Variants in DNAH9 observed in about 807,000 individuals in gnomAD.
The protein encoded by DNAH9 is dynein axonemal heavy chain 9.
Under a neutral mutation model 471.6 loss-of-function variants are expected in DNAH9, and 345 were observed. That is an observed-to-expected ratio of 0.73 (90% CI 0.67 to 0.80). The LOEUF (loss-of-function observed/expected upper bound fraction) is 0.80. Ranked by LOEUF, DNAH9 falls within the 30% of genes least tolerant of loss-of-function variation. The probability of loss-of-function intolerance (pLI) is 0.00; values close to 1 mark genes in which losing one functional copy is unlikely to be tolerated. For synonymous variants in DNAH9, 2,093 were observed against 2,123.6 expected (o/e 0.99, Z 0.40); for missense variants, 5,407 against 5,609.2 (o/e 0.96, Z 1.15).
intron 51 of DNAH9, among the ~76,000 whole-genome samples, chr17:11,871,358 C>T (rs1209202025): frequency 6.6e-6 from 1 of 152,224 alleles, no homozygotes; most frequent in Admixed American, 6.5e-5. Context: ...ACAGAAAGAG[C>T]AGAGTCAAAC....
intron 49 of DNAH9, among the ~76,000 whole-genome samples, chr17:11,838,292 C>T (rs1970913215): frequency 6.6e-6 from 1 of 152,090 alleles, no homozygotes; most frequent in East Asian, 1.9e-4. Context: ...GTGGTGACTT[C>T]CAGAGAGACA....
At chr17:11,950,674 C>CT (rs147390463) in intron 67 of DNAH9, among the ~76,000 whole-genome samples, 5,774 of 152,200 alleles carry the variant, frequency 0.038, 370 homozygotes, top group African/African-American at 0.13. Context: ...CTATTTTAAA[C>CT]TTTTTTCAAG....
intron 12 of DNAH9, 52 bp from the exon 13 acceptor site, chr17:11,651,017 G>C: frequency 6.3e-7 from 1 of 1,581,734 alleles, no homozygotes; most frequent in Non-Finnish European, 8.6e-7. Context: ...CAATGCTGCA[G>C]ATTATTCATT....
chr17:11,772,705 C>T (rs1366827255), intron 38 of DNAH9, among the ~76,000 whole-genome samples: 2 of 152,218 alleles, frequency 1.3e-5, no homozygotes, highest in African/African-American at 4.8e-5. Flanking sequence ...TGTTAATTCC[C>T]TAATGGCCTC....
At position 11,874,943 on chromosome 17, in the gene DNAH9, C is replaced by T. The variant is rs375903506; in HGVS notation, c.10243-6C>T. The T allele has an allele frequency of 5.2e-5, 84 of 1,607,804 alleles. No individual in the cohort carries two copies. The highest frequency in any genetic ancestry group is 6.6e-5 in the Non-Finnish European group (78 of 1,174,756). ...TGAGCGTGGGGTGGTGTTTCTTCTT[C>T]ACCAGACTCCCATTCCAGTCACCCC... On this transcript the variant is annotated splice_region_variant and splice_polypyrimidine_tract_variant and intron_variant, in intron 52 of 68. Coordinates refer to ENST00000262442, the MANE Select transcript of DNAH9 (RefSeq NM_001372.4).
chr17:11,788,120 C>G (rs1322755982), intron 41 of DNAH9, among the ~76,000 whole-genome samples: 2 of 152,178 alleles, frequency 1.3e-5, no homozygotes, highest in Non-Finnish European at 2.9e-5. Context: ...GTCAACCACC[C>G]TGACTATTTG....
At chr17:11,756,722 A>C (rs1278782672) in intron 34 of DNAH9, 46 bp downstream of exon 34, 1 of 1,243,172 alleles carries the variant, frequency 8.0e-7, no homozygotes. Context: ...CCACTTAGGG[A>C]GGTACCTCTG....
intron 67 of DNAH9, among the ~76,000 whole-genome samples, chr17:11,959,316 G>A (rs1252822598): frequency 6.6e-6 from 1 of 152,092 alleles, no homozygotes; most frequent in Non-Finnish European, 1.5e-5. Flanking sequence ...CAAAGTGAAT[G>A]ATCTTCTTTG....
intron 1 of DNAH9, among the ~76,000 whole-genome samples, chr17:11,606,243 G>A (rs1313762058): frequency 2.0e-5 from 3 of 151,884 alleles, no homozygotes; most frequent in Non-Finnish European, 2.9e-5. Flanking sequence ...TCTATTTCAC[G>A]GCCACTGGGG....
At chr17:11,860,211 C>G (rs1169156979) in intron 50 of DNAH9, among the ~76,000 whole-genome samples, 1 of 152,196 alleles carries the variant, frequency 6.6e-6, no homozygotes, top group Admixed American at 6.5e-5. Flanking sequence ...TCTCTTCACC[C>G]CCACTCCCCA....
chr17:11,625,647 CT>C (rs2072956130), intron 6 of DNAH9, among the ~76,000 whole-genome samples: 1 of 152,312 alleles, frequency 6.6e-6, no homozygotes, highest in South Asian at 2.1e-4. Context: ...GCTATTACCC[CT>C]GGTTTTGATT....
Position 11,693,948 on chromosome 17 carries a change from A to T in DNAH9, c.4695A>T (p.Gln1565His), listed in dbSNP as rs777718725. The T allele has an allele frequency of 6.2e-7, 1 of 1,614,184 alleles. No homozygotes were observed. Among genetic ancestry groups the T allele is most frequent in the Non-Finnish European group, 8.5e-7 (1 of 1,180,026 alleles). The change falls in exon 21 of 69, where the codon CAA becomes CAT. Residue 1565 changes from glutamine to histidine, a missense_variant. By Grantham distance (24) the Gln-to-His change is conservative. Coordinates refer to ENST00000262442, the MANE Select transcript of DNAH9 (RefSeq NM_001372.4). ...YDAQKIPNVV[Q>H]TTNKPGLYEK... The stretch of plus-strand genomic sequence containing the variant: ...CCCAGAAAATTCCAAATGTAGTGCA[A>T]ACCACCAACAAGCCAGGCCTGTATG...
At chr17:11,784,164 G>A (rs1968771252) in intron 40 of DNAH9, 136 bp from the exon 41 acceptor site, 1 of 1,339,994 alleles carries the variant, frequency 7.5e-7, no homozygotes, top group Admixed American at 2.1e-5. Flanking sequence ...CCTAAATTTG[G>A]GCATAGTGTG....
intron 48 of DNAH9, among the ~76,000 whole-genome samples, chr17:11,824,497 A>G (rs1970420208): frequency 6.6e-6 from 1 of 152,140 alleles, no homozygotes; most frequent in Non-Finnish European, 1.5e-5. Flanking sequence ...TGGGAGCAAT[A>G]GTCAGTTGGA....
Position 11,797,676 on chromosome 17 carries a change from A to T in DNAH9, c.8303A>T (p.Tyr2768Phe). The T allele has an allele frequency of 6.2e-7, 1 of 1,614,202 alleles. No homozygotes were observed. ...HFANGIGEPK[Y>F]MPVQSWELLT... is the part of the protein sequence containing the mutation. ...GCAAATGGTATTGGGGAGCCCAAAT[A>T]CATGCCTGTACAGTCTTGGGAACTT... is the stretch of plus-strand genomic sequence containing the variant. Residue 2768 changes from tyrosine (Y) to phenylalanine (F), a missense_variant, in exon 43 of 69, where the codon TAC (tyrosine) becomes TTC (phenylalanine). Physicochemically the swap from Tyr to Phe is conservative, Grantham distance 22. Transcript: ENST00000262442.
chr17:11,604,904 G>A (rs990831931), intron 1 of DNAH9, among the ~76,000 whole-genome samples: 1 of 152,050 alleles, frequency 6.6e-6, no homozygotes, highest in African/African-American at 2.4e-5. Flanking sequence ...CGGCAGCTTG[G>A]TTGATCCTAC....
At chr17:11,676,573 G>A (rs1419820765) in intron 17 of DNAH9, among the ~76,000 whole-genome samples, 1 of 152,070 alleles carries the variant, frequency 6.6e-6, no homozygotes, top group African/African-American at 2.4e-5. Context: ...ATGAGCCACT[G>A]CACCTGGCCT....
rs914751339 is a variant in DNAH9, at chr17:11,812,154, C to T, written c.8707+1785C>T. Among the ~76,000 whole-genome samples the T allele has an allele frequency of 3.0e-4, 44 of 147,944 alleles. 1 individual carries two copies. Among genetic ancestry groups the T allele is most frequent in the African/African-American group, 1.1e-3 (44 of 40,420 alleles). ...GCATGTTTATATTAAAGAAAGAATACGCTTTCTTGGCTCTTAAACCAAATG... is the reference window on the plus strand; with the variant it reads ...GCATGTTTATATTAAAGAAAGAATATGCTTTCTTGGCTCTTAAACCAAATG... On this transcript the variant is annotated intron_variant, in intron 45 of 68. Coordinates refer to ENST00000262442, the MANE Select transcript of DNAH9 (RefSeq NM_001372.4).
chr17:11,747,778 A>T lies in DNAH9; in HGVS notation c.6610+12A>T. ...AGAATGGAAGGATGGTAAGAGTGGG[A>T]TTCTCCCAGGAGAAAGTCTCTGCTA... On this transcript the variant is annotated intron_variant, in intron 32 of 68. Coordinates refer to ENST00000262442, the MANE Select transcript of DNAH9 (RefSeq NM_001372.4). 6.2e-7 allele frequency: 1 copy of T among 1,609,740 alleles called. No individual in the cohort carries two copies. The highest frequency in any genetic ancestry group is 8.5e-7 in the Non-Finnish European group (1 of 1,176,142).
Sources: gnomAD v4.1 joint callset for allele counts (sites outside exome capture counted in the v4.1 genomes callset) on GRCh38, gnomAD v4.1.1 for gene constraint, MANE v1.5 for transcripts, NCBI Gene and HGNC (gene_info 2026-07-23, HGNC 2026-07-21) for gene names.